FER: variants seen among roughly 807,000 people sequenced by gnomAD.
FER encodes the protein tyrosine-protein kinase Fer.
FER carries 63 observed loss-of-function variants against 111.0 expected under a neutral mutation model. The ratio of observed to expected loss-of-function variants is 0.57; its 90% CI spans 0.46 to 0.70. FER has a LOEUF of 0.70. Among genes scored for constraint, FER ranks in the 30% least tolerant of loss-of-function variants. The pLI is 0.00. For missense variants in FER, 914 were observed against 954.0 expected, an observed-to-expected ratio of 0.96 and a Z score of 0.55; for synonymous variants, 327 against 313.9, an observed-to-expected ratio of 1.04 and a Z score of -0.44.
In FER at chr5:109,189,614, C is replaced by A. The variant is rs1562013729; in HGVS notation, c.*2039C>A. The A allele has an allele frequency of 6.6e-6, 1 of 152,158 alleles. No homozygotes were observed. Among genetic ancestry groups the A allele is most frequent in the Non-Finnish European group, 1.5e-5 (1 of 68,024 alleles). The allele number at this position is 152,158 out of a possible 1,614,324, so 9.4% of individuals were successfully genotyped here. A position where few individuals can be genotyped will look rare whatever the true frequency, so the allele number is the denominator to read the frequency against. ...AAGTGCTATGGTATTGAGGCACTTA[C>A]CAACCTTCAAAAGTAAGAGTAAAAT... On this transcript the variant is annotated 3_prime_UTR_variant, in exon 20 of 20. Transcript: ENST00000281092.
chr5:108,997,663 G>A (rs1176708432), intron 13 of FER, among the ~76,000 whole-genome samples: 1 of 152,176 alleles, frequency 6.6e-6, no homozygotes, highest in Non-Finnish European at 1.5e-5. Flanking sequence ...GTGCTGTGCT[G>A]GGAGATCCGC....
intron 5 of FER, among the ~76,000 whole-genome samples, chr5:108,845,925 T>C (rs1164900308): frequency 6.6e-6 from 1 of 152,192 alleles, no homozygotes; most frequent in Non-Finnish European, 1.5e-5. Context: ...ATTTCAAATA[T>C]TACACCAACC....
At chr5:108,978,765 G>A (rs2149715838) in intron 13 of FER, among the ~76,000 whole-genome samples, 1 of 152,198 alleles carries the variant, frequency 6.6e-6, no homozygotes. Context: ...AAACGATCTA[G>A]GCATTAATAG....
At chr5:108,785,005 C>T (rs1381929726) in intron 2 of FER, 3 of 281,924 alleles carry the variant, frequency 1.1e-5, no homozygotes, top group Admixed American at 7.8e-5. Flanking sequence ...CTGTTCCCAA[C>T]ACCTGGGTGT....
intron 13 of FER, among the ~76,000 whole-genome samples, chr5:109,007,305 T>G (rs915528433): frequency 6.6e-6 from 1 of 152,192 alleles, no homozygotes; most frequent in Non-Finnish European, 1.5e-5. Context: ...ATTGTTTTAG[T>G]CAGACTTATT....
intron 10 of FER, among the ~76,000 whole-genome samples, chr5:108,908,510 T>TA (rs1561598003): frequency 1.3e-5 from 2 of 152,198 alleles, no homozygotes; most frequent in African/African-American, 4.8e-5. Context: ...TTACGATTTT[T>TA]AAAAATAATT....
chr5:109,065,655 C>T (rs1775003812), intron 16 of FER, among the ~76,000 whole-genome samples: 1 of 152,204 alleles, frequency 6.6e-6, no homozygotes, highest in South Asian at 2.1e-4. Context: ...CAGGGGTTCA[C>T]AAATTCATTA....
At chr5:108,841,878 T>C in intron 5 of FER, 1 of 400,104 alleles carries the variant, frequency 2.5e-6, no homozygotes, top group Non-Finnish European at 4.9e-6. Context: ...TGTAAGTACC[T>C]GGGATTTGTA....
intron 13 of FER, among the ~76,000 whole-genome samples, chr5:108,992,875 C>T (rs1323405677): frequency 4.0e-5 from 6 of 150,678 alleles, no homozygotes; most frequent in Admixed American, 2.0e-4. Flanking sequence ...CGCGGCCAGG[C>T]AGAGGCGCTC....
chr5:108,801,646 G>A (rs1756660146), intron 3 of FER, among the ~76,000 whole-genome samples: 1 of 152,136 alleles, frequency 6.6e-6, no homozygotes, highest in Non-Finnish European at 1.5e-5. Flanking sequence ...AAAATTCAAA[G>A]GTGCAAATTT....
chr5:108,920,347 G>T (rs796440481), intron 10 of FER, among the ~76,000 whole-genome samples: 36 of 152,110 alleles, frequency 2.4e-4, no homozygotes, highest in African/African-American at 8.2e-4. Context: ...GCTATATCTG[G>T]TGTCATACAT....
chr5:109,186,845 T>A (rs1435215623), intron 19 of FER, among the ~76,000 whole-genome samples: 4 of 152,236 alleles, frequency 2.6e-5, no homozygotes, highest in Admixed American at 6.5e-5. Flanking sequence ...GATAAAATAC[T>A]GTGCCCTAAT....
chr5:109,034,913 G>A (rs774856181), intron 13 of FER, among the ~76,000 whole-genome samples: 11 of 151,624 alleles, frequency 7.3e-5, no homozygotes, highest in Non-Finnish European at 1.2e-4. Context: ...CTAATCAAAT[G>A]GAAAGTACAG....
intron 10 of FER, among the ~76,000 whole-genome samples, chr5:108,898,353 T>C (rs2150329165): frequency 6.6e-6 from 1 of 152,296 alleles, no homozygotes; most frequent in East Asian, 1.9e-4. Context: ...AATTCAACTT[T>C]ATTTCATAGT....
chr5:108,996,300 C>T (rs1763970608), intron 13 of FER, among the ~76,000 whole-genome samples: 1 of 152,086 alleles, frequency 6.6e-6, no homozygotes, highest in South Asian at 2.1e-4. Context: ...ATTTTGTTGC[C>T]ATTGCTTTTG....
intron 17 of FER, among the ~76,000 whole-genome samples, chr5:109,154,733 A>G (rs547208729): frequency 3.9e-5 from 6 of 152,060 alleles, no homozygotes; most frequent in African/African-American, 1.4e-4. Context: ...ATTTTATTCA[A>G]CCTACCACAT....
At chr5:108,788,500 A>G (rs1002121788) in intron 2 of FER, among the ~76,000 whole-genome samples, 12 of 151,562 alleles carry the variant, frequency 7.9e-5, no homozygotes, top group African/African-American at 2.9e-4. Flanking sequence ...CTGGCTGGCA[A>G]AGCAACACCC....
chr5:109,147,822 G>GAGAGAC (rs1180172225), intron 17 of FER, among the ~76,000 whole-genome samples: 2 of 148,756 alleles, frequency 1.3e-5, no homozygotes, highest in East Asian at 4.0e-4. Context: ...GAGAGAGAGA[G>GAGAGAC]AGAGACAGAG....
Position 108,878,530 on chromosome 5 carries a change from C to G in FER, c.924-4866C>G, listed in dbSNP as rs185392899. On this transcript the variant is annotated intron_variant, in intron 8 of 19. Transcript: ENST00000281092. ...TCTTCTTAATGTGTACAGTGTTTTA[C>G]TACTTGTATGTAATGTAATTTCTTT... Among the ~76,000 whole-genome samples, 412 of 152,138 alleles carry G rather than the reference C, an allele frequency of 2.7e-3. 2 individuals are homozygous for G. Among genetic ancestry groups the G allele is most frequent in the African/African-American group, 9.3e-3 (388 of 41,518 alleles).
Sources: allele counts gnomAD v4.1 joint callset (sites outside exome capture counted in the v4.1 genomes callset), GRCh38; gene constraint gnomAD v4.1.1; transcripts MANE v1.5; gene names NCBI Gene and HGNC (gene_info 2026-07-23, HGNC 2026-07-21).